PAX5: variants seen among roughly 807,000 people sequenced by gnomAD.
PAX5 encodes the protein paired box protein Pax-5.
PAX5 carries 9 observed loss-of-function variants against 43.7 expected under a neutral mutation model. That is an observed-to-expected ratio of 0.21 (90% confidence interval 0.12 to 0.36). PAX5 has a LOEUF of 0.36. Among genes scored for constraint, PAX5 ranks in the 10% least tolerant of loss-of-function variants. The pLI, the probability that PAX5 is intolerant of heterozygous loss-of-function variation, is 1.00. For synonymous variants in PAX5, 228 were observed against 214.3 expected (o/e 1.06, Z -0.56); for missense variants, 383 against 532.7 (o/e 0.72, Z 2.77).
chr9:36,996,822 G>GGA, intron 5 of PAX5, among the ~76,000 whole-genome samples: 1 of 152,220 alleles, frequency 6.6e-6, no homozygotes, highest in Admixed American at 6.5e-5. Context: ...GGGGATTTGG[G>GGA]GAGAGAGAGA....
chr9:36,879,347 C>T (rs546813494), intron 8 of PAX5, among the ~76,000 whole-genome samples: 19 of 152,374 alleles, frequency 1.2e-4, no homozygotes, highest in African/African-American at 4.3e-4. Flanking sequence ...TGGCAAAGTT[C>T]AGCTGCTTCT....
At chr9:37,026,465 C>T in intron 1 of PAX5, 2 of 1,260,756 alleles carry the variant, frequency 1.6e-6, no homozygotes, top group Non-Finnish European at 2.1e-6. Flanking sequence ...AGTACCTGAC[C>T]CACGGTCCGG....
chr9:36,938,668 AT>A, intron 6 of PAX5, among the ~76,000 whole-genome samples: 1 of 152,314 alleles, frequency 6.6e-6, no homozygotes, highest in Admixed American at 6.5e-5. Context: ...AAGAGGTTTT[AT>A]CCCCAAATAA....
At chr9:37,029,732 C>T (rs1047062502) in intron 1 of PAX5, among the ~76,000 whole-genome samples, 16 of 152,152 alleles carry the variant, frequency 1.1e-4, no homozygotes, top group Admixed American at 8.5e-4. Flanking sequence ...CCAGTGACAC[C>T]CCCACCCCCA....
chr9:36,961,827 C>G (rs56306433), intron 6 of PAX5, among the ~76,000 whole-genome samples: 10,262 of 152,298 alleles, frequency 0.067, 399 homozygotes, highest in South Asian at 0.11. Context: ...CGCACATACA[C>G]ACGTGCACGC....
At chr9:36,962,314 G>C (rs1834039572) in intron 6 of PAX5, among the ~76,000 whole-genome samples, 1 of 152,188 alleles carries the variant, frequency 6.6e-6, no homozygotes, top group African/African-American at 2.4e-5. Flanking sequence ...GGACCTGGAG[G>C]CCCATGGAAC....
rs2132470829 is a variant in PAX5 at position 37,015,034 on chromosome 9, C to T, written c.373G>A (p.Asp125Asn). 6.2e-7 allele frequency: 1 copy of T among 1,614,212 alleles called. No individual in the cohort carries two copies. Among genetic ancestry groups the T allele is most frequent in the East Asian group, 2.2e-5 (1 of 44,888 alleles). ...CTGACGCTAGGCACGGTGTCATTGT[C>T]ACACACCCGCTCTGCCAGCAGCCGG... The part of the protein sequence containing the change: ...RDRLLAERVC[D>N]NDTVPSVSSI... Residue 125 changes from aspartate (D) to asparagine (N), a missense_variant, in exon 3 of 10, where the codon GAC (aspartate) becomes AAC (asparagine). By Grantham distance (23) the Asp-to-Asn change is conservative. Coordinates refer to ENST00000358127, the MANE Select transcript of PAX5 (RefSeq NM_016734.3). The surrounding 1 kb of genome is among the most constrained non-coding windows in gnomAD (Gnocchi z 4.4).
chr9:36,860,844 T>C (rs1824148201), intron 8 of PAX5: 1 of 152,114 alleles, frequency 6.6e-6, no homozygotes, highest in African/African-American at 2.4e-5. Context: ...GGCCATTCCA[T>C]GGAGGGAGCT....
intron 7 of PAX5, 133 bp downstream of exon 7, chr9:36,923,222 C>T: frequency 9.0e-7 from 1 of 1,110,296 alleles, no homozygotes; most frequent in Non-Finnish European, 1.3e-6. Context: ...TGACCTGTTC[C>T]CAGGCCTCAT....
intron 8 of PAX5, among the ~76,000 whole-genome samples, chr9:36,848,080 C>T (rs968877711): frequency 1.3e-5 from 2 of 152,128 alleles, no homozygotes; most frequent in African/African-American, 2.4e-5. Flanking sequence ...GTTACATAGC[C>T]CCATGAGCCC....
At chr9:37,014,933 A>C in intron 3 of PAX5, 64 bp downstream of exon 3, 16 of 1,455,200 alleles carry the variant, frequency 1.1e-5, no homozygotes, top group Non-Finnish European at 1.5e-5. Context: ...AGGCACATGC[A>C]GAGCCTCCAG....
At chr9:36,930,803 T>A (rs1831060316) in intron 6 of PAX5, 2 of 1,290,684 alleles carry the variant, frequency 1.5e-6, no homozygotes, top group African/African-American at 3.0e-5. Flanking sequence ...ATATGAGAGG[T>A]TCAGGAATTC....
rs151211620 is a variant in PAX5 at position 36,981,521 on chromosome 9, C to T, written c.605-14797G>A. 6.9e-3 allele frequency among the ~76,000 whole-genome samples: 1,043 copies of T among 151,720 alleles called. 9 individuals are homozygous for T. Among genetic ancestry groups the T allele is most frequent in the African/African-American group, 0.025 (1,022 of 41,350 alleles). On this transcript the variant is annotated intron_variant, in intron 5 of 9. Coordinates refer to ENST00000358127, the MANE Select transcript of PAX5 (RefSeq NM_016734.3). ...TCCTACTGGGAAATAGTGGCCACAC[C>T]CTCCCAGGGGACATCTGATGCTCCC...
chr9:37,005,212 A>G (rs1300683909), intron 4 of PAX5, among the ~76,000 whole-genome samples: 1 of 152,050 alleles, frequency 6.6e-6, no homozygotes, highest in Non-Finnish European at 1.5e-5. Context: ...TTCTGCCCCC[A>G]CAGCACCCAT....
chr9:36,833,850 G>A lies in PAX5; in HGVS notation c.*6710C>T, dbSNP rs1821448444. ...CAATTCAATTGTGGTTTTTGTTGTT[G>A]GTTTTTTTGTATTTTTTTGTATTTT... On this transcript the variant is annotated 3_prime_UTR_variant, in exon 10 of 10. Coordinates refer to ENST00000358127, the MANE Select transcript of PAX5 (RefSeq NM_016734.3). 1.4e-5 allele frequency: 3 copies of A among 220,978 alleles called. No individual in the cohort carries two copies. Among genetic ancestry groups the A allele is most frequent in the Non-Finnish European group, 2.6e-5 (3 of 115,444 alleles). The allele number at this position is 220,978 out of a possible 1,614,324, so 13.7% of individuals were successfully genotyped here. A position where few individuals can be genotyped will look rare whatever the true frequency, so the allele number is the denominator to read the frequency against.
rs147122784 is a variant in PAX5 at position 36,863,914 on chromosome 9, G to T, written c.1013-16985C>A. Among the ~76,000 whole-genome samples, 828 of 152,316 alleles carry T rather than the reference G, an allele frequency of 5.4e-3. 6 individuals carry two copies. Among genetic ancestry groups the T allele is most frequent in the East Asian group, 0.016 (84 of 5,188 alleles). ...TCAGGAGGTCAGGAGCTCAAGACCA[G>T]CCTGGCCAACATGGTGAAACCCCGT... On this transcript the variant is annotated intron_variant, in intron 8 of 9. Coordinates refer to ENST00000358127, the MANE Select transcript of PAX5 (RefSeq NM_016734.3).
At chr9:37,026,974 G>C (rs1011907484) in intron 1 of PAX5, among the ~76,000 whole-genome samples, 7 of 152,212 alleles carry the variant, frequency 4.6e-5, no homozygotes, top group African/African-American at 1.7e-4. Flanking sequence ...GGAGGCCGCC[G>C]GAACAATCGG....
chr9:36,880,156 C>T (rs7861323), intron 8 of PAX5, among the ~76,000 whole-genome samples: 32 of 152,378 alleles, frequency 2.1e-4, no homozygotes, highest in African/African-American at 7.2e-4. Context: ...GCCTTCTGGG[C>T]GTTCTGTGCC....
rs559559193 is a variant in PAX5, at chr9:36,912,719, T to C, written c.910+10636A>G. On this transcript the variant is annotated intron_variant, in intron 7 of 9. Coordinates refer to ENST00000358127, the MANE Select transcript of PAX5 (RefSeq NM_016734.3). ...ACCCTACCCAGGTATGGTCAGAACGTCTGCTCTGAGGAAGGCTGGGACTCG... is the reference window on the plus strand; with the variant it reads ...ACCCTACCCAGGTATGGTCAGAACGCCTGCTCTGAGGAAGGCTGGGACTCG... Among the ~76,000 whole-genome samples, 4 of 152,252 alleles carry C rather than the reference T, an allele frequency of 2.6e-5. No individual in the cohort carries two copies. In the South Asian group the frequency reaches 8.3e-4, roughly 32 times the overall value.
Sources: allele counts gnomAD v4.1 joint callset (sites outside exome capture counted in the v4.1 genomes callset), GRCh38; gene constraint gnomAD v4.1.1; non-coding constraint Gnocchi (gnomAD v3.1); transcripts MANE v1.5; gene names NCBI Gene and HGNC (gene_info 2026-07-23, HGNC 2026-07-21).